SLC9C2: variants seen among roughly 807,000 people sequenced by gnomAD.
SLC9C2 encodes solute carrier family 9 member C2 (putative).
A neutral mutation model predicts 140.2 loss-of-function variants in SLC9C2; 75 were observed. That is an observed-to-expected ratio of 0.53 (90% CI 0.44 to 0.65). The LOEUF is 0.65. Among genes scored for constraint, SLC9C2 ranks in the 30% least tolerant of loss-of-function variants. The pLI is 0.00. For synonymous variants in SLC9C2, 375 were observed against 420.9 expected (o/e 0.89, Z 1.34); for missense variants, 1,074 against 1,331.8 (o/e 0.81, Z 3.01).
At position 173,524,086 on chromosome 1, in the gene SLC9C2, A is replaced by C. The variant is rs1356716293; in HGVS notation, c.2523T>G (p.Leu841=). ...HEVIEINKVL[L]KKLKALNNFP... ...AGTTATTTAGTGCTTTTAATTTTTT[A>C]AGAAGTACCTAAAAACAAATAATCA... Residue 841 remains leucine, a synonymous_variant, in exon 21 of 28, where the codon CTT becomes CTG. Transcript: ENST00000367714. The C allele has an allele frequency of 6.2e-7, 1 of 1,609,794 alleles. No individual in the cohort carries two copies.
chr1:173,599,282 G>C (rs1666627338), intron 3 of SLC9C2, among the ~76,000 whole-genome samples: 1 of 149,492 alleles, frequency 6.7e-6, no homozygotes, highest in African/African-American at 2.5e-5. Context: ...GAGGAAGCCA[G>C]TGTATGTGCA....
At chr1:173,546,050 A>G (rs1662825698) in intron 13 of SLC9C2, among the ~76,000 whole-genome samples, 1 of 152,176 alleles carries the variant, frequency 6.6e-6, no homozygotes, top group African/African-American at 2.4e-5. Context: ...TTTATGCTCA[A>G]AACAAATCAC....
chr1:173,600,735 CGTTT>C (rs1666730088), intron 2 of SLC9C2, among the ~76,000 whole-genome samples: 1 of 152,054 alleles, frequency 6.6e-6, no homozygotes, highest in Non-Finnish European at 1.5e-5. Flanking sequence ...ACTACTGGAG[CGTTT>C]GTCTCTATAA....
chr1:173,558,583 C>T (rs968707660), intron 9 of SLC9C2, among the ~76,000 whole-genome samples: 2 of 152,126 alleles, frequency 1.3e-5, no homozygotes, highest in Non-Finnish European at 2.9e-5. Context: ...GTACTTGCCT[C>T]AAAGGATTAT....
intron 22 of SLC9C2, among the ~76,000 whole-genome samples, chr1:173,518,273 A>G (rs1014631445): frequency 1.3e-5 from 2 of 151,680 alleles, no homozygotes; most frequent in African/African-American, 2.4e-5. Flanking sequence ...AAGAAAAAAA[A>G]AAAAAACCCA....
rs1571554933 is a variant in SLC9C2, at chr1:173,557,286, C to A, written c.1215+54G>T. 5.2e-6 allele frequency: 8 copies of A among 1,536,328 alleles called. No individual in the cohort carries two copies. The East Asian group carries it at 1.8e-4, about 35-fold the overall frequency. ...ATTACTGGGTTCTCTGACAAGTGGG[C>A]AAGATAAGTAAAAATGATAAATATG... On this transcript the variant is annotated intron_variant, in intron 10 of 27. Transcript: ENST00000367714.
intron 23 of SLC9C2, among the ~76,000 whole-genome samples, chr1:173,513,694 GC>G (rs1660207786): frequency 6.6e-6 from 1 of 152,118 alleles, no homozygotes; most frequent in East Asian, 1.9e-4. Flanking sequence ...TCTTCCGCTA[GC>G]TTTTGGATTT....
chr1:173,587,839 C>A lies in SLC9C2; in HGVS notation c.358-9G>T, dbSNP rs1231883598. On this transcript the variant is annotated splice_polypyrimidine_tract_variant and intron_variant, in intron 4 of 27. Coordinates refer to ENST00000367714, the MANE Select transcript of SLC9C2 (RefSeq NM_178527.4). The stretch of plus-strand genomic sequence containing the variant: ...AATCCAGTTAACAAGACCTGTGAAC[C>A]AATTCATAACACAGTATTAGACTTA... The A allele has an allele frequency of 6.2e-7, 1 of 1,603,772 alleles. No individual in the cohort carries two copies. Among genetic ancestry groups the A allele is most frequent in the Admixed American group, 1.7e-5 (1 of 59,718 alleles).
At chr1:173,598,992 T>C (rs1352909682) in intron 3 of SLC9C2, among the ~76,000 whole-genome samples, 1 of 152,248 alleles carries the variant, frequency 6.6e-6, no homozygotes, top group Non-Finnish European at 1.5e-5. Flanking sequence ...AATGAATGAA[T>C]GAATGTTTTC....
In SLC9C2 at chr1:173,601,835, C is replaced by G; in HGVS notation, c.-59G>C. ...TGGAGTGGTTTGGTTATTATTGACA[C>G]TTTCACTTCTGCATGCTAACCTGTA... On this transcript the variant is annotated 5_prime_UTR_variant, in exon 2 of 28. Transcript: ENST00000367714. 1 of 1,600,208 alleles carries G rather than the reference C, an allele frequency of 6.2e-7. No individual in the cohort carries two copies. The highest frequency in any genetic ancestry group is 8.5e-7 in the Non-Finnish European group (1 of 1,172,684).
At chr1:173,566,177 G>C (rs1041666938) in intron 9 of SLC9C2, among the ~76,000 whole-genome samples, 4 of 151,972 alleles carry the variant, frequency 2.6e-5, no homozygotes, top group African/African-American at 9.7e-5. Context: ...TTGGTATCAG[G>C]GTAATACTGA....
chr1:173,533,848 G>T lies in SLC9C2; in HGVS notation c.1975-51C>A, dbSNP rs559969680. ...ATAGCACCTATACAGTAATGTTGGGGGGAAGAAATCTATAAAATTAACAAC... is the reference window on the plus strand; with the variant it reads ...ATAGCACCTATACAGTAATGTTGGGTGGAAGAAATCTATAAAATTAACAAC... On this transcript the variant is annotated intron_variant, in intron 16 of 27. Coordinates refer to ENST00000367714, the MANE Select transcript of SLC9C2 (RefSeq NM_178527.4). 47 of 1,485,020 alleles carry T rather than the reference G, an allele frequency of 3.2e-5. No individual in the cohort carries two copies. In the Admixed American group the frequency reaches 8.3e-4, roughly 26 times the overall value. The allele number at this position is 1,485,020 out of a possible 1,614,324, so 92.0% of individuals were successfully genotyped here.
At chr1:173,536,109 C>G (rs987975440) in intron 14 of SLC9C2, among the ~76,000 whole-genome samples, 160 bp from the exon 15 acceptor site, 2 of 152,212 alleles carry the variant, frequency 1.3e-5, no homozygotes, top group Non-Finnish European at 2.9e-5. Flanking sequence ...CATCCATGGT[C>G]ATGGTACAGG....
intron 10 of SLC9C2, among the ~76,000 whole-genome samples, chr1:173,556,696 C>T (rs954564699): frequency 1.3e-5 from 2 of 151,964 alleles, no homozygotes; most frequent in African/African-American, 4.8e-5. Flanking sequence ...ACAGGTGGAT[C>T]ACCTGAGGCC....
intron 19 of SLC9C2, 92 bp downstream of exon 19, chr1:173,526,571 G>C: frequency 1.7e-6 from 2 of 1,144,656 alleles, no homozygotes; most frequent in Non-Finnish European, 1.3e-6. Context: ...AAATGAATGA[G>C]CAAGTAAATG....
rs551017119 is a variant in SLC9C2, at chr1:173,575,567, G to GTTGT, written c.902+1090_902+1093dup. 5.3e-3 allele frequency among the ~76,000 whole-genome samples: 799 copies of GTTGT among 152,066 alleles called. 17 individuals are homozygous for GTTGT. The highest frequency in any genetic ancestry group is 0.018 in the African/African-American group (735 of 41,464). On this transcript the variant is annotated intron_variant, in intron 8 of 27. Coordinates refer to ENST00000367714, the MANE Select transcript of SLC9C2 (RefSeq NM_178527.4). Reference sequence around the variant, plus strand: ...GGTGCCCATGTTTTTTGTTGTTGTTGTTGTTTGTTTGTTTGTTTTTGTTTT... The same window carrying GTTGT: ...GGTGCCCATGTTTTTTGTTGTTGTTGTTGTTTGTTTGTTTGTTTGTTTTTGTTTT...
At position 173,553,102 on chromosome 1, in the gene SLC9C2, T is replaced by A. The variant is rs1422798727; in HGVS notation, c.1297+1631A>T. On this transcript the variant is annotated intron_variant, in intron 11 of 27. Coordinates refer to ENST00000367714, the MANE Select transcript of SLC9C2 (RefSeq NM_178527.4). ...CTTCAGTGGAGGAAGTAACTGCAGA[T>A]GTGGTGGAAATAGCAAGGGAACTAG... Among the ~76,000 whole-genome samples the A allele has an allele frequency of 3.3e-5, 5 of 152,238 alleles. No homozygotes were observed. The East Asian group carries it at 9.6e-4, about 29-fold the overall frequency.
At chr1:173,553,284 C>G (rs560400439) in intron 11 of SLC9C2, among the ~76,000 whole-genome samples, 1 of 152,284 alleles carries the variant, frequency 6.6e-6, no homozygotes, top group East Asian at 1.9e-4. Flanking sequence ...GTTGAAAGGA[C>G]AGCAAAGGAT....
At chr1:173,573,392 TA>T (rs879105623) in intron 8 of SLC9C2, 67 bp from the exon 9 acceptor site, 129 of 1,140,790 alleles carry the variant, frequency 1.1e-4, no homozygotes, top group South Asian at 4.3e-4. Flanking sequence ...CCTTTTCATA[TA>T]AAATCATATA....
Sources: gnomAD v4.1 joint callset for allele counts (sites outside exome capture counted in the v4.1 genomes callset) on GRCh38, gnomAD v4.1.1 for gene constraint, MANE v1.5 for transcripts, NCBI Gene and HGNC (gene_info 2026-07-23, HGNC 2026-07-21) for gene names.